REPS2: variants seen among roughly 807,000 people sequenced by gnomAD.
REPS2 encodes the protein ralBP1-associated Eps domain-containing protein 2.
Under a neutral mutation model 53.6 loss-of-function variants are expected in REPS2, and 23 were observed. That is an observed-to-expected ratio of 0.43 (90% confidence interval 0.31 to 0.61). REPS2 has a LOEUF of 0.61. REPS2 is among the 20% of genes least tolerant of loss of function. REPS2 has a pLI of 0.11. For synonymous variants in REPS2, 238 were observed against 218.6 expected (o/e 1.09, Z -0.78); for missense variants, 446 against 534.9 (o/e 0.83, Z 1.64).
chrX:16,965,346 G>C (rs1228533811), intron 1 of REPS2, among the ~76,000 whole-genome samples: 23 of 112,669 alleles, frequency 2.0e-4, no homozygotes, highest in African/African-American at 6.4e-4. Context: ...CGGACGGGGC[G>C]GCTGGCCGGG....
chrX:17,187,783 T>C, the REPS2 span, among the ~76,000 whole-genome samples: 1 of 112,295 alleles, frequency 8.9e-6, no homozygotes, highest in Non-Finnish European at 1.9e-5. Flanking sequence ...ACCTTCACAA[T>C]TTTGGCCACA....
the REPS2 span, among the ~76,000 whole-genome samples, chrX:17,170,938 C>G: frequency 8.8e-6 from 1 of 113,081 alleles, no homozygotes; most frequent in Non-Finnish European, 1.9e-5. Context: ...CTGCCCACCT[C>G]TCTCTGCCAG....
intron 14 of REPS2, among the ~76,000 whole-genome samples, chrX:17,117,533 T>C (rs1207510688): frequency 9.0e-6 from 1 of 111,036 alleles, no homozygotes; most frequent in Non-Finnish European, 1.9e-5. Context: ...TGTTTGGTTT[T>C]TTGTCCTTGC....
chrX:17,125,851 A>G (rs151219571), intron 14 of REPS2, among the ~76,000 whole-genome samples: 3 of 112,152 alleles, frequency 2.7e-5, no homozygotes, highest in Non-Finnish European at 5.6e-5. Context: ...ATGGTGCTTT[A>G]CCAGATTAAT....
chrX:16,992,970 AAG>A (rs1367287906), intron 1 of REPS2, among the ~76,000 whole-genome samples: 6 of 112,131 alleles, frequency 5.4e-5, no homozygotes, highest in Non-Finnish European at 7.5e-5. Flanking sequence ...GGCTTAAAGA[AAG>A]AGAGGCCAAA....
chrX:16,973,775 A>G (rs917402475), intron 1 of REPS2, among the ~76,000 whole-genome samples: 3 of 109,775 alleles, frequency 2.7e-5, no homozygotes, highest in African/African-American at 1.0e-4. Flanking sequence ...CTATTCATAT[A>G]TGTATATGTA....
At chrX:17,147,379 C>T (rs749819133) in intron 17 of REPS2, 34 bp from the exon 18 acceptor site, 1 of 1,145,031 alleles carries the variant, frequency 8.7e-7, no homozygotes, top group Non-Finnish European at 1.2e-6. Context: ...GACCCCTTTG[C>T]TTTTTTGTTT....
At chrX:17,052,071 G>A (rs1024808450) in intron 6 of REPS2, among the ~76,000 whole-genome samples, 4 of 112,029 alleles carry the variant, frequency 3.6e-5, no homozygotes, top group African/African-American at 9.7e-5. Flanking sequence ...TTTGAACTTC[G>A]TCTTCTAAAT....
intron 4 of REPS2, among the ~76,000 whole-genome samples, chrX:17,025,935 A>AC (rs962515404): frequency 1.3e-4 from 14 of 110,462 alleles, no homozygotes; most frequent in African/African-American, 4.3e-4. Context: ...GTAAACCCCC[A>AC]CCCCCCCAGT....
intron 17 of REPS2, among the ~76,000 whole-genome samples, chrX:17,142,673 C>T (rs189971198): frequency 8.6e-4 from 96 of 111,824 alleles, no homozygotes; most frequent in African/African-American, 3.1e-3. Flanking sequence ...TATACACATA[C>T]TAGAATTGCT....
intron 1 of REPS2, among the ~76,000 whole-genome samples, chrX:16,974,222 A>G (rs1393137467): frequency 5.4e-5 from 6 of 111,889 alleles, no homozygotes; most frequent in African/African-American, 1.9e-4. Context: ...GTCCAGGATC[A>G]TGTATTGAAT....
the REPS2 span, among the ~76,000 whole-genome samples, chrX:17,191,903 G>A: frequency 2.7e-5 from 3 of 112,055 alleles, no homozygotes; most frequent in South Asian, 1.1e-3. Context: ...TACAAAGGGG[G>A]CACCTCAAGG....
intron 1 of REPS2, among the ~76,000 whole-genome samples, chrX:16,985,498 A>G (rs758173710): frequency 7.1e-5 from 8 of 112,157 alleles, no homozygotes; most frequent in Non-Finnish European, 1.5e-4. Flanking sequence ...ATCATGCTTC[A>G]TTTACACAGG....
chrX:17,133,556 GT>G (rs916281363), intron 14 of REPS2, among the ~76,000 whole-genome samples: 11 of 111,940 alleles, frequency 9.8e-5, no homozygotes, highest in African/African-American at 3.2e-4. Flanking sequence ...CGAAGCATTA[GT>G]TTTTTAGCAA....
At chrX:17,169,079 C>A in the REPS2 span, among the ~76,000 whole-genome samples, 6 of 112,226 alleles carry the variant, frequency 5.3e-5, no homozygotes, top group Admixed American at 9.4e-5. Flanking sequence ...GACAAGCTGT[C>A]CCAGCTGAGG....
chrX:17,079,631 C>T (rs1304027342), intron 13 of REPS2, among the ~76,000 whole-genome samples: 1 of 112,082 alleles, frequency 8.9e-6, no homozygotes, highest in African/African-American at 3.2e-5. Flanking sequence ...CTGACGATCT[C>T]CCTTGTGGTA....
intron 1 of REPS2, among the ~76,000 whole-genome samples, chrX:16,980,221 G>A (rs1602582070): frequency 1.8e-5 from 2 of 108,545 alleles, no homozygotes; most frequent in Admixed American, 9.9e-5. Context: ...TGATTCTCCC[G>A]CCTCAGCTTC....
intron 14 of REPS2, among the ~76,000 whole-genome samples, chrX:17,121,501 G>A (rs5924599): frequency 1.8e-5 from 2 of 111,124 alleles, no homozygotes; most frequent in African/African-American, 3.3e-5. Flanking sequence ...AGGATTCTAC[G>A]TGCCAGGCAA....
At chrX:17,008,741 G>A (rs954122179) in intron 2 of REPS2, among the ~76,000 whole-genome samples, 1 of 111,688 alleles carries the variant, frequency 9.0e-6, no homozygotes, top group Non-Finnish European at 1.9e-5. Context: ...AATCTTGAAG[G>A]CCAAAGGGAT....
Sources: allele counts gnomAD v4.1 joint callset (sites outside exome capture counted in the v4.1 genomes callset), GRCh38; gene constraint gnomAD v4.1.1; transcripts MANE v1.5; gene names NCBI Gene and HGNC (gene_info 2026-07-23, HGNC 2026-07-21).